FBN1: variants seen among roughly 807,000 people sequenced by gnomAD.
FBN1 encodes fibrillin-1.
Under a neutral mutation model 365.1 loss-of-function variants are expected in FBN1, and 29 were observed. That is an observed-to-expected ratio of 0.08 (90% CI 0.06 to 0.11). The LOEUF is 0.11. Among genes scored for constraint, FBN1 ranks in the 10% least tolerant of loss-of-function variants. FBN1 has a pLI of 1.00. For synonymous variants in FBN1, 1,210 were observed against 1,270.5 expected (o/e 0.95, Z 1.01); for missense variants, 2,476 against 3,703.2 (o/e 0.67, Z 8.60).
intron 49 of FBN1, among the ~76,000 whole-genome samples, chr15:48,443,761 C>T (rs1052454071): frequency 6.6e-6 from 1 of 152,204 alleles, no homozygotes; most frequent in African/African-American, 2.4e-5. Context: ...AATGATATGA[C>T]ATATTTGTTG....
intron 13 of FBN1, among the ~76,000 whole-genome samples, chr15:48,511,698 G>A (rs1289982204): frequency 1.3e-5 from 2 of 152,102 alleles, no homozygotes; most frequent in African/African-American, 2.4e-5. Flanking sequence ...AAAATAATGT[G>A]AGCACGTTCT....
At chr15:48,602,820 G>GA (rs2044577799) in intron 4 of FBN1, among the ~76,000 whole-genome samples, 1 of 152,206 alleles carries the variant, frequency 6.6e-6, no homozygotes, top group Non-Finnish European at 1.5e-5. Context: ...AGTAGGTCAT[G>GA]AAAAGGTGTA....
At chr15:48,516,469 A>T (rs2043803968) in intron 10 of FBN1, 107 bp from the exon 11 acceptor site, 2 of 1,189,446 alleles carry the variant, frequency 1.7e-6, no homozygotes, top group Non-Finnish European at 2.4e-6. Flanking sequence ...AATAAAATTG[A>T]TCCTCAAAAT....
intron 50 of FBN1, among the ~76,000 whole-genome samples, chr15:48,438,672 T>C (rs12595685): frequency 0.022 from 3,306 of 152,240 alleles, 67 homozygotes; most frequent in East Asian, 0.082. Context: ...GGGAACAGAA[T>C]AGTCTTTCTT....
At chr15:48,441,580 G>A (rs2043115437) in intron 50 of FBN1, 141 bp downstream of exon 50, 1 of 1,041,734 alleles carries the variant, frequency 9.6e-7, no homozygotes, top group East Asian at 2.4e-5. Context: ...TCTGACATAT[G>A]GTTATCATTA....
At chr15:48,503,761 G>C in intron 17 of FBN1, 26 bp downstream of exon 17, 2 of 1,612,958 alleles carry the variant, frequency 1.2e-6, no homozygotes, top group South Asian at 2.2e-5. Context: ...CTGGCAGTAC[G>C]AGGGCATCTC....
chr15:48,596,006 C>T (rs532526864), intron 6 of FBN1, among the ~76,000 whole-genome samples: 67 of 152,314 alleles, frequency 4.4e-4, no homozygotes, highest in African/African-American at 1.4e-3. Context: ...TATCCTGATG[C>T]CAACTGGTAA....
intron 2 of FBN1, among the ~76,000 whole-genome samples, chr15:48,633,491 G>A (rs1425211980): frequency 3.3e-5 from 5 of 152,070 alleles, no homozygotes; most frequent in African/African-American, 9.7e-5. Flanking sequence ...TCATGCTTCC[G>A]ATTCCCGGAG....
At chr15:48,481,113 CT>C (rs2052114552) in intron 32 of FBN1, among the ~76,000 whole-genome samples, 1 of 152,144 alleles carries the variant, frequency 6.6e-6, no homozygotes, top group South Asian at 2.1e-4. Context: ...TTCATTATCA[CT>C]TCATAAGATT....
intron 14 of FBN1, 147 bp downstream of exon 14, chr15:48,509,894 TATC>T (rs1279986431): frequency 1.3e-6 from 1 of 799,096 alleles, no homozygotes; most frequent in Non-Finnish European, 2.0e-6. Context: ...AAGAAATGAA[TATC>T]ATGGAAAATT....
At chr15:48,452,734 A>G (rs1235331120) in intron 44 of FBN1, 50 bp from the exon 45 acceptor site, 1 of 1,606,438 alleles carries the variant, frequency 6.2e-7, no homozygotes, top group Admixed American at 1.7e-5. Context: ...TCTGGTGTCC[A>G]GTCAACAAAG....
intron 43 of FBN1, 104 bp downstream of exon 43, chr15:48,460,142 T>A (rs941947473): frequency 2.5e-6 from 2 of 800,112 alleles, no homozygotes; most frequent in Non-Finnish European, 4.4e-6. Context: ...TGAAAGGCAT[T>A]GTTTAATATT....
At chr15:48,518,462 C>T (rs191106394) in intron 10 of FBN1, among the ~76,000 whole-genome samples, 4 of 152,304 alleles carry the variant, frequency 2.6e-5, no homozygotes, top group African/African-American at 7.2e-5. Flanking sequence ...GGTACCAATT[C>T]GGCCTTTCTT....
intron 5 of FBN1, among the ~76,000 whole-genome samples, chr15:48,598,685 C>A (rs1329013078): frequency 6.6e-6 from 1 of 152,182 alleles, no homozygotes; most frequent in Non-Finnish European, 1.5e-5. Flanking sequence ...TAAGCTCCTA[C>A]CCATCCCTCA....
rs1046872858 is a variant in FBN1 at position 48,441,906 on chromosome 15, A to G, written c.6038-60T>C. ...CACGATGGAGACATCATCAGGTACC[A>G]AACACACAATGTGGACACACAAAGG... On this transcript the variant is annotated intron_variant, in intron 49 of 65. Coordinates refer to ENST00000316623, the MANE Select transcript of FBN1 (RefSeq NM_000138.5). 7.6e-6 allele frequency: 12 copies of G among 1,589,086 alleles called. No homozygotes were observed. The Admixed American group carries it at 1.2e-4, about 15-fold the overall frequency.
intron 6 of FBN1, among the ~76,000 whole-genome samples, chr15:48,541,222 C>T (rs1262379923): frequency 6.6e-6 from 1 of 152,050 alleles, no homozygotes; most frequent in African/African-American, 2.4e-5. Flanking sequence ...CTATATTAGG[C>T]ATCCCAACAG....
At chr15:48,439,753 C>T (rs1433391262) in intron 50 of FBN1, among the ~76,000 whole-genome samples, 2 of 151,234 alleles carry the variant, frequency 1.3e-5, no homozygotes, top group Admixed American at 6.6e-5. Flanking sequence ...CACTCCACCC[C>T]GAAAAAAAAA....
chr15:48,585,261 A>G (rs1428462031), intron 6 of FBN1, among the ~76,000 whole-genome samples: 5 of 152,232 alleles, frequency 3.3e-5, no homozygotes, highest in African/African-American at 9.6e-5. Flanking sequence ...AAATGGATCT[A>G]TCTTATAAAC....
chr15:48,504,624 C>G (rs534854804), intron 16 of FBN1, among the ~76,000 whole-genome samples: 1 of 152,294 alleles, frequency 6.6e-6, no homozygotes, highest in South Asian at 2.1e-4. Context: ...TACTATCATA[C>G]AGGTTTCTGG....
Sources: gnomAD v4.1 joint callset for allele counts (sites outside exome capture counted in the v4.1 genomes callset) on GRCh38, gnomAD v4.1.1 for gene constraint, MANE v1.5 for transcripts, NCBI Gene and HGNC (gene_info 2026-07-23, HGNC 2026-07-21) for gene names.